The following HECW2 variants were observed in gnomAD, a reference collection of about 807,000 sequenced individuals.
The protein encoded by HECW2 is HECT, C2 and WW domain containing E3 ubiquitin protein ligase 2.
In HECW2, 61 loss-of-function variants were observed where a neutral mutation model predicts 175.2. The ratio of observed to expected loss-of-function variants is 0.35; its 90% confidence interval spans 0.28 to 0.43. The LOEUF is 0.43. HECW2 is among the 20% of genes least tolerant of loss of function. The pLI, the probability that HECW2 is intolerant of heterozygous loss-of-function variation, is 1.00. For synonymous variants in HECW2, 671 were observed against 731.0 expected (o/e 0.92, Z 1.32); for missense variants, 1,524 against 2,000.5 (o/e 0.76, Z 4.54).
chr2:196,375,102 T>G (rs1199627445), intron 2 of HECW2, among the ~76,000 whole-genome samples: 1 of 148,884 alleles, frequency 6.7e-6, no homozygotes, highest in Non-Finnish European at 1.5e-5. Flanking sequence ...GAGGTAGCAG[T>G]GAGCTGAGAT....
At chr2:196,510,822 A>C (rs965723797) in intron 1 of HECW2, among the ~76,000 whole-genome samples, 2 of 152,108 alleles carry the variant, frequency 1.3e-5, no homozygotes, top group African/African-American at 4.8e-5. Flanking sequence ...TTTAATGGTG[A>C]CTTATTTTTC....
chr2:196,532,573 C>A (rs570148500), intron 1 of HECW2, among the ~76,000 whole-genome samples: 1 of 151,886 alleles, frequency 6.6e-6, no homozygotes, highest in Non-Finnish European at 1.5e-5. Context: ...CACGTGTATA[C>A]CAATGTATTA....
At position 196,274,051 on chromosome 2, in the gene HECW2, T is replaced by G. The variant is rs779587910; in HGVS notation, c.3208A>C (p.Arg1070=). The change falls in exon 16 of 29, where the codon AGG becomes CGG. Residue 1070 remains arginine, a synonymous_variant. Coordinates refer to ENST00000644978, the MANE Select transcript of HECW2 (RefSeq NM_001348768.2). The part of the protein sequence containing the change: ...RPSSTFNTVS[R]PQYQDMVPVA... ...GGAACCATGTCCTGGTACTGTGGCCTACTGACTGTATTGAATGTACTGGAT... is the reference window on the plus strand; with the variant it reads ...GGAACCATGTCCTGGTACTGTGGCCGACTGACTGTATTGAATGTACTGGAT... 6.2e-7 allele frequency: 1 copy of G among 1,613,980 alleles called. No homozygotes were observed. Among genetic ancestry groups the G allele is most frequent in the Non-Finnish European group, 8.5e-7 (1 of 1,179,816 alleles).
At chr2:196,379,562 G>A (rs1694146174) in intron 2 of HECW2, among the ~76,000 whole-genome samples, 2 of 151,988 alleles carry the variant, frequency 1.3e-5, no homozygotes, top group African/African-American at 4.8e-5. Flanking sequence ...GCGGGCGCCT[G>A]TAGTCCCAGC....
At chr2:196,591,972 C>T (rs1265720080) in intron 1 of HECW2, among the ~76,000 whole-genome samples, 56 of 152,170 alleles carry the variant, frequency 3.7e-4, no homozygotes, top group Non-Finnish European at 1.0e-4. Context: ...AGAAAAAAAG[C>T]TCTCTCAAAG....
At chr2:196,233,415 C>T (rs1433133150) in intron 21 of HECW2, among the ~76,000 whole-genome samples, 1 of 152,080 alleles carries the variant, frequency 6.6e-6, no homozygotes, top group East Asian at 1.9e-4. Flanking sequence ...TTTTATTCTC[C>T]CATTCTTTAT....
Position 196,357,591 on chromosome 2 carries a change from A to C in HECW2, c.293-13827T>G, listed in dbSNP as rs144861192. On this transcript the variant is annotated intron_variant, in intron 2 of 28. Transcript: ENST00000644978. ...CAGCCTACATAAACCTTTATTCACC[A>C]ACAAAGTTTGGCTCTGTGTCCCTAC... 6.6e-3 allele frequency among the ~76,000 whole-genome samples: 1,011 copies of C among 152,258 alleles called. 13 individuals carry two copies. Among genetic ancestry groups the C allele is most frequent in the African/African-American group, 0.023 (969 of 41,538 alleles).
At chr2:196,466,051 T>G (rs1696940497) in intron 1 of HECW2, among the ~76,000 whole-genome samples, 1 of 152,230 alleles carries the variant, frequency 6.6e-6, no homozygotes, top group South Asian at 2.1e-4. Flanking sequence ...GAATATTTTT[T>G]AGAAACGACC....
At chr2:196,344,563 G>T (rs1272619605) in intron 2 of HECW2, among the ~76,000 whole-genome samples, 2 of 152,072 alleles carry the variant, frequency 1.3e-5, no homozygotes, top group Non-Finnish European at 2.9e-5. Flanking sequence ...GCACCCTGAG[G>T]ACTGGGGATT....
At chr2:196,578,638 C>T (rs1395592560) in intron 1 of HECW2, among the ~76,000 whole-genome samples, 2 of 152,014 alleles carry the variant, frequency 1.3e-5, no homozygotes, top group Admixed American at 1.3e-4. Context: ...GTACAGGGAA[C>T]CTGAATAAAA....
chr2:196,340,179 T>C (rs1256150667), intron 3 of HECW2, among the ~76,000 whole-genome samples: 2 of 152,196 alleles, frequency 1.3e-5, no homozygotes. Flanking sequence ...GTGGAAAATA[T>C]TTTAGAAACT....
chr2:196,220,921 C>T lies in HECW2; in HGVS notation c.4167G>A (p.Lys1389=). Residue 1389 remains lysine, a synonymous_variant, in exon 25 of 29, where the codon AAG becomes AAA. Transcript: ENST00000644978. ...TAACTGGGATATTGGCACCCCCTGG[C>T]TTTAATTCTCGTTCAGTTATCTGAG... is the stretch of plus-strand genomic sequence containing the variant. ...VFGQITEREL[K]PGGANIPVTE... 1 of 1,614,006 alleles carries T rather than the reference C, an allele frequency of 6.2e-7. No homozygotes were observed. The highest frequency in any genetic ancestry group is 8.5e-7 in the Non-Finnish European group (1 of 1,179,918).
At chr2:196,388,174 T>C (rs1477573137) in intron 2 of HECW2, among the ~76,000 whole-genome samples, 1 of 152,118 alleles carries the variant, frequency 6.6e-6, no homozygotes, top group Non-Finnish European at 1.5e-5. Flanking sequence ...GGCATGCACC[T>C]GTAGTCTCAG....
intron 2 of HECW2, among the ~76,000 whole-genome samples, chr2:196,419,003 T>C (rs1365616520): frequency 6.6e-6 from 1 of 152,212 alleles, no homozygotes; most frequent in African/African-American, 2.4e-5. Context: ...ACACCATAAT[T>C]ACTCTAGCTT....
chr2:196,201,412 T>C (rs776537865), intron 28 of HECW2, 24 bp from the exon 29 acceptor site: 5 of 1,533,214 alleles, frequency 3.3e-6, no homozygotes, highest in Admixed American at 1.7e-5. Context: ...AAACAGCACA[T>C]AGTTTAGAAC....
chr2:196,541,080 G>A (rs1260631326), intron 1 of HECW2, among the ~76,000 whole-genome samples: 2 of 151,942 alleles, frequency 1.3e-5, no homozygotes, highest in Non-Finnish European at 2.9e-5. Flanking sequence ...CACCCAAATA[G>A]CCAATGCTCT....
intron 1 of HECW2, among the ~76,000 whole-genome samples, chr2:196,520,002 T>C (rs1342584682): frequency 6.6e-6 from 1 of 152,214 alleles, no homozygotes; most frequent in African/African-American, 2.4e-5. Context: ...GTTTAAGATG[T>C]GTGGACTGCC....
intron 9 of HECW2, among the ~76,000 whole-genome samples, chr2:196,318,273 T>C (rs866113562): frequency 9.8e-4 from 149 of 152,290 alleles, no homozygotes; most frequent in African/African-American, 3.5e-3. Flanking sequence ...CATGCTGCCT[T>C]CTTCCTAGCT....
intron 20 of HECW2, 76 bp downstream of exon 20, chr2:196,242,008 C>T: frequency 1.4e-6 from 2 of 1,401,574 alleles, no homozygotes; most frequent in Non-Finnish European, 2.0e-6. Flanking sequence ...AAATCACAAT[C>T]AATTTCCTAG....
Sources: allele counts gnomAD v4.1 joint callset (sites outside exome capture counted in the v4.1 genomes callset), GRCh38; gene constraint gnomAD v4.1.1; transcripts MANE v1.5; gene names NCBI Gene and HGNC (gene_info 2026-07-23, HGNC 2026-07-21).